Variants in RSPH1 observed in about 807,000 individuals in gnomAD.
The protein encoded by RSPH1 is radial spoke head 1 homolog.
RSPH1 carries 32 observed loss-of-function variants against 44.2 expected under a neutral mutation model. The observed-to-expected ratio is 0.72, with a 90% CI of 0.55 to 0.97. The LOEUF (loss-of-function observed/expected upper bound fraction) is 0.97. RSPH1 is among the 50% of genes least tolerant of loss of function. RSPH1 has a pLI of 0.00. For missense variants in RSPH1, 391 were observed against 398.7 expected (o/e 0.98, Z 0.16); for synonymous variants, 134 against 147.3 (o/e 0.91, Z 0.65).
In RSPH1 at chr21:42,484,219, A is replaced by C. The variant is rs897428073; in HGVS notation, c.501+1450T>G. On this transcript the variant is annotated intron_variant, in intron 5 of 8. Coordinates refer to ENST00000291536, the MANE Select transcript of RSPH1 (RefSeq NM_080860.4). ...AAGATTGGAAAAGAACAAAAACAAC[A>C]TTAAAGACTGAGAATATCCAACATC... Among the ~76,000 whole-genome samples, 3 of 152,258 alleles carry C rather than the reference A, an allele frequency of 2.0e-5. No homozygotes were observed. The East Asian group carries it at 5.8e-4, about 29-fold the overall frequency.
chr21:42,482,666 G>T lies in RSPH1; in HGVS notation c.544C>A (p.Gln182Lys). 1 of 1,613,336 alleles carries T rather than the reference G, an allele frequency of 6.2e-7. No individual in the cohort carries two copies. Among genetic ancestry groups the T allele is most frequent in the East Asian group, 2.2e-5 (1 of 44,858 alleles). The change falls in exon 6 of 9, where the codon CAA becomes AAA. Residue 182 changes from glutamine to lysine, a missense_variant. Gln to Lys is a moderately conservative substitution (Grantham distance 53). Coordinates refer to ENST00000291536, the MANE Select transcript of RSPH1 (RefSeq NM_080860.4). ...GKYVFDVGCE[Q>K]HGEYRLTDME... The stretch of plus-strand genomic sequence containing the variant: ...TCTGTTAAACGATATTCACCATGTT[G>T]TTCACACCCAACATCAAATACATAC...
At chr21:42,488,891 T>A (rs1033301309) in intron 3 of RSPH1, among the ~76,000 whole-genome samples, 2 of 152,160 alleles carry the variant, frequency 1.3e-5, no homozygotes, top group Non-Finnish European at 2.9e-5. Flanking sequence ...ATTTTTTTTT[T>A]AAAGTCTTTC....
intron 5 of RSPH1, chr21:42,485,250 G>GT: frequency 2.3e-5 from 4 of 170,940 alleles, no homozygotes; most frequent in South Asian, 1.4e-4. Context: ...GAGGGAGCTG[G>GT]GGGTCTTCCT....
Position 42,492,835 on chromosome 21 carries a change from C to T in RSPH1, c.197G>A (p.Arg66Gln), listed in dbSNP as rs372401464. The change falls in exon 3 of 9, where the codon CGA becomes CAA. Residue 66 changes from arginine (R) to glutamine (Q), a missense_variant. Arg to Gln is a conservative substitution (Grantham distance 43). Coordinates refer to ENST00000291536, the MANE Select transcript of RSPH1 (RefSeq NM_080860.4). ...ATTTCTAACATATTCTCCGATATAT[C>T]GAGCACCATTTTTAAATTTGTAGAT... ...QGIYKFKNGA[R>Q]YIGEYVRNKK... The T allele has an allele frequency of 6.2e-6, 10 of 1,612,966 alleles. No homozygotes were observed. The East Asian group carries it at 1.1e-4, about 18-fold the overall frequency.
chr21:42,493,284 C>A (rs546908842), intron 1 of RSPH1, among the ~76,000 whole-genome samples: 1 of 152,188 alleles, frequency 6.6e-6, no homozygotes, highest in Non-Finnish European at 1.5e-5. Context: ...AGGCCACACC[C>A]CAGCACATGT....
chr21:42,490,081 C>G (rs143023149), intron 3 of RSPH1, among the ~76,000 whole-genome samples: 3 of 152,198 alleles, frequency 2.0e-5, no homozygotes, highest in African/African-American at 7.2e-5. Context: ...AGCATCAGTA[C>G]ATGGGGTCTA....
intron 1 of RSPH1, 79 bp from the exon 2 acceptor site, chr21:42,493,158 T>C: frequency 8.8e-7 from 1 of 1,140,830 alleles, no homozygotes; most frequent in Admixed American, 1.8e-5. Flanking sequence ...GTAAATATCA[T>C]ACCCTTGAGT....
At chr21:42,489,097 T>TTGGC (rs1215383434) in intron 3 of RSPH1, among the ~76,000 whole-genome samples, 1 of 152,014 alleles carries the variant, frequency 6.6e-6, no homozygotes, top group Non-Finnish European at 1.5e-5. Context: ...GGTTGGTTGG[T>TTGGC]TGGCTGGCTG....
chr21:42,475,929 G>C lies in RSPH1; in HGVS notation c.846C>G (p.Asp282Glu), dbSNP rs781222867. 3 of 1,611,176 alleles carry C rather than the reference G, an allele frequency of 1.9e-6. No homozygotes were observed. Among genetic ancestry groups the C allele is most frequent in the Non-Finnish European group, 2.5e-6 (3 of 1,179,410 alleles). Residue 282 changes from aspartate to glutamate, a missense_variant, in exon 8 of 9, where the codon GAC becomes GAG. Coordinates refer to ENST00000291536, the MANE Select transcript of RSPH1 (RefSeq NM_080860.4). Reference sequence around the variant, plus strand: ...CCATGTCATAGCGGAACTCCTCCTGGTCATACTCCCGGCTCTCTTCCCGGA... The same window carrying C: ...CCATGTCATAGCGGAACTCCTCCTGCTCATACTCCCGGCTCTCTTCCCGGA... ...DVLREESREY[D>E]QEEFRYDMDE...
intron 1 of RSPH1, 30 bp downstream of exon 1, chr21:42,496,103 G>T (rs761237861): frequency 6.2e-7 from 1 of 1,613,586 alleles, no homozygotes; most frequent in East Asian, 2.2e-5. Context: ...TGCGCACCCT[G>T]GGAAGCCCTT....
intron 8 of RSPH1, among the ~76,000 whole-genome samples, chr21:42,475,531 G>C (rs1415859031): frequency 6.8e-6 from 1 of 146,318 alleles, no homozygotes; most frequent in Non-Finnish European, 1.5e-5. Flanking sequence ...TCGCACCACT[G>C]TACTCCAGCC....
At chr21:42,486,595 CT>C in intron 3 of RSPH1, 134 bp from the exon 4 acceptor site, 1 of 664,564 alleles carries the variant, frequency 1.5e-6, no homozygotes, top group East Asian at 2.6e-5. Context: ...ACACAGGCCC[CT>C]TCTGCTCAGG....
chr21:42,482,776 C>T, intron 5 of RSPH1, 68 bp from the exon 6 acceptor site: 3 of 1,138,016 alleles, frequency 2.6e-6, no homozygotes, highest in South Asian at 2.6e-5. Flanking sequence ...CAAATGTCAC[C>T]ACCACAATAC....
chr21:42,488,354 G>A (rs760401416), intron 3 of RSPH1, among the ~76,000 whole-genome samples: 3 of 152,114 alleles, frequency 2.0e-5, no homozygotes, highest in Non-Finnish European at 2.9e-5. Flanking sequence ...CTCACACCGC[G>A]GCCAATTTCA....
Position 42,477,368 on chromosome 21 carries a change from A to C in RSPH1, c.650T>G (p.Leu217Trp), listed in dbSNP as rs138007679. The change falls in exon 7 of 9, where the codon TTG (leucine) becomes TGG (tryptophan). Residue 217 changes from leucine to tryptophan, a missense_variant. Physicochemically the swap from Leu to Trp is moderately conservative, Grantham distance 61. Coordinates refer to ENST00000291536, the MANE Select transcript of RSPH1 (RefSeq NM_080860.4). ...GGGGAGAGTTGGTGTCCACAGGGCC[A>C]ATTCAGTGATTTGGGTAGCTTTCCA... ...PKWKATQITELALWTPTLPKK... is the reference protein window; with the variant it reads ...PKWKATQITEWALWTPTLPKK... 13,826 of 1,610,502 alleles carry C rather than the reference A, an allele frequency of 8.6e-3. 76 individuals are homozygous for C. The highest frequency in any genetic ancestry group is 0.02 in the Middle Eastern group (124 of 6,058).
At chr21:42,483,659 C>G (rs1297544670) in intron 5 of RSPH1, among the ~76,000 whole-genome samples, 3 of 152,050 alleles carry the variant, frequency 2.0e-5, no homozygotes, top group Admixed American at 6.6e-5. Context: ...ATTTTCTAAT[C>G]TATAAGAAGT....
intron 3 of RSPH1, among the ~76,000 whole-genome samples, chr21:42,488,011 G>A (rs1242378660): frequency 3.3e-5 from 5 of 152,200 alleles, no homozygotes; most frequent in Non-Finnish European, 7.3e-5. Context: ...GGACAGGGAA[G>A]GCAGCACGAA....
intron 5 of RSPH1, among the ~76,000 whole-genome samples, chr21:42,483,951 A>G (rs1290835161): frequency 6.6e-6 from 1 of 152,016 alleles, no homozygotes; most frequent in African/African-American, 2.4e-5. Context: ...TATTTTATAT[A>G]CTGGGAACTG....
intron 7 of RSPH1, among the ~76,000 whole-genome samples, chr21:42,476,766 C>T (rs528913550): frequency 1.2e-4 from 19 of 152,244 alleles, no homozygotes; most frequent in South Asian, 4.1e-4. Flanking sequence ...GCCACACCTC[C>T]GCCTCTGTCC....
Sources: allele counts gnomAD v4.1 joint callset (sites outside exome capture counted in the v4.1 genomes callset), GRCh38; gene constraint gnomAD v4.1.1; transcripts MANE v1.5; gene names NCBI Gene and HGNC (gene_info 2026-07-23, HGNC 2026-07-21).